The following CDK14 variants were observed in gnomAD, a reference collection of about 807,000 sequenced individuals.
CDK14 encodes the protein cyclin dependent kinase 14.
Under a neutral mutation model 60.7 loss-of-function variants are expected in CDK14, and 34 were observed. The ratio of observed to expected loss-of-function variants is 0.56; its 90% CI spans 0.43 to 0.75. CDK14 has a LOEUF of 0.75. Ranked by LOEUF, CDK14 falls within the 30% of genes least tolerant of loss-of-function variation. The pLI is 0.00. For missense variants in CDK14, 482 were observed against 564.1 expected, an observed-to-expected ratio of 0.85 and a Z score of 1.47; for synonymous variants, 197 against 203.7, an observed-to-expected ratio of 0.97 and a Z score of 0.28.
At chr7:90,861,773 A>C (rs1791018121) in intron 5 of CDK14, among the ~76,000 whole-genome samples, 1 of 152,232 alleles carries the variant, frequency 6.6e-6, no homozygotes, top group Non-Finnish European at 1.5e-5. Context: ...CAAAGGTGAC[A>C]GAAAAAAAGA....
At chr7:91,003,043 G>A (rs952635631) in intron 10 of CDK14, among the ~76,000 whole-genome samples, 1 of 152,182 alleles carries the variant, frequency 6.6e-6, no homozygotes. Context: ...CTGCACTCCA[G>A]CCTGGCGACA....
At chr7:90,863,849 G>T (rs1791090935) in intron 6 of CDK14, among the ~76,000 whole-genome samples, 1 of 151,994 alleles carries the variant, frequency 6.6e-6, no homozygotes, top group African/African-American at 2.4e-5. Context: ...AGAAGACTTG[G>T]ACTTGAACTC....
intron 5 of CDK14, among the ~76,000 whole-genome samples, chr7:90,815,785 G>A (rs1454489062): frequency 1.3e-5 from 2 of 152,178 alleles, no homozygotes; most frequent in Non-Finnish European, 2.9e-5. Flanking sequence ...GATGAAGCTG[G>A]AAGCCATCAT....
chr7:91,180,399 A>G (rs1014599178), intron 14 of CDK14, among the ~76,000 whole-genome samples: 16 of 152,220 alleles, frequency 1.1e-4, no homozygotes, highest in African/African-American at 3.9e-4. Context: ...CTCTATGCCT[A>G]TCATTAACTC....
chr7:90,691,203 C>T (rs1156762798), intron 2 of CDK14, among the ~76,000 whole-genome samples: 1 of 151,930 alleles, frequency 6.6e-6, no homozygotes, highest in Non-Finnish European at 1.5e-5. Context: ...GAGGGTACAA[C>T]TGTGGACAAA....
At chr7:91,161,261 A>T (rs1054183631) in intron 14 of CDK14, among the ~76,000 whole-genome samples, 65 of 152,216 alleles carry the variant, frequency 4.3e-4, no homozygotes, top group African/African-American at 1.5e-3. Flanking sequence ...CCCAAGGCGC[A>T]GAATCAGTGG....
intron 9 of CDK14, among the ~76,000 whole-genome samples, chr7:90,962,944 A>G (rs1794643674): frequency 6.6e-6 from 1 of 152,174 alleles, no homozygotes; most frequent in Non-Finnish European, 1.5e-5. Context: ...AGCTAAATAT[A>G]CTGCATTTCT....
At chr7:90,853,379 T>A (rs1423148942) in intron 5 of CDK14, among the ~76,000 whole-genome samples, 1 of 152,054 alleles carries the variant, frequency 6.6e-6, no homozygotes, top group East Asian at 1.9e-4. Flanking sequence ...CTCAGTAGCT[T>A]TGTGTGTGAG....
At chr7:90,839,588 T>C (rs1031317904) in intron 5 of CDK14, among the ~76,000 whole-genome samples, 1 of 152,168 alleles carries the variant, frequency 6.6e-6, no homozygotes, top group African/African-American at 2.4e-5. Flanking sequence ...AATGGCAAAT[T>C]TGTGCCTCAG....
intron 2 of CDK14, among the ~76,000 whole-genome samples, chr7:90,619,804 T>A (rs1799730357): frequency 6.6e-6 from 1 of 152,194 alleles, no homozygotes; most frequent in South Asian, 2.1e-4. Flanking sequence ...GAAATCAGCC[T>A]GGCCAACATG....
intron 4 of CDK14, among the ~76,000 whole-genome samples, chr7:90,780,491 T>C (rs1349713904): frequency 1.3e-5 from 2 of 151,120 alleles, no homozygotes; most frequent in African/African-American, 4.9e-5. Context: ...TAGTTACATA[T>C]GTATACATGT....
At chr7:91,041,300 A>G (rs568603702) in intron 10 of CDK14, among the ~76,000 whole-genome samples, 2 of 151,576 alleles carry the variant, frequency 1.3e-5, no homozygotes, top group South Asian at 2.1e-4. Flanking sequence ...GGCATTTGCT[A>G]TTTGTTACCA....
intron 2 of CDK14, among the ~76,000 whole-genome samples, chr7:90,669,813 C>A (rs1030447170): frequency 1.3e-5 from 2 of 151,986 alleles, no homozygotes; most frequent in South Asian, 2.1e-4. Context: ...GACTTGACAA[C>A]CTAAAAGTGA....
intron 1 of CDK14, among the ~76,000 whole-genome samples, chr7:90,603,474 T>C (rs891609822): frequency 2.6e-5 from 4 of 152,222 alleles, no homozygotes; most frequent in African/African-American, 4.8e-5. Flanking sequence ...AGTAATAGGC[T>C]ATACCATATA....
At chr7:90,731,348 A>G (rs139710847) in intron 3 of CDK14, among the ~76,000 whole-genome samples, 1 of 150,550 alleles carries the variant, frequency 6.6e-6, no homozygotes, top group African/African-American at 2.4e-5. Flanking sequence ...TCCATATGAA[A>G]TTTAAAGTAG....
rs34091498 is a variant in CDK14, at chr7:91,035,833, CTTTTTTTTT to C, written c.1042-10051_1042-10043del. 3.0e-5 allele frequency among the ~76,000 whole-genome samples: 3 copies of C among 99,232 alleles called. No individual in the cohort carries two copies. In the South Asian group the frequency reaches 1.2e-3, roughly 39 times the overall value. 65.1% of individuals were successfully genotyped at this position (99,232 alleles called of 152,430 possible). ...TTAGCTAGGCCCTCTGCTTCATGGTCTTTTTTTTTTTTTTTTTTTTTGAGACGGAGTCTC... is the reference window on the plus strand; with the variant it reads ...TTAGCTAGGCCCTCTGCTTCATGGTCTTTTTTTTTTTTGAGACGGAGTCTC... On this transcript the variant is annotated intron_variant, in intron 10 of 14. Transcript: ENST00000380050.
chr7:91,116,399 G>T (rs1296789161), intron 13 of CDK14, among the ~76,000 whole-genome samples: 1 of 152,196 alleles, frequency 6.6e-6, no homozygotes, highest in African/African-American at 2.4e-5. Context: ...CTTTGGACAA[G>T]TGCCTTGGTC....
chr7:90,727,271 T>TAC (rs1010587329), intron 3 of CDK14, among the ~76,000 whole-genome samples: 1 of 152,174 alleles, frequency 6.6e-6, no homozygotes, highest in African/African-American at 2.4e-5. Flanking sequence ...CATGTGACTC[T>TAC]GTAAAGTGAC....
intron 5 of CDK14, among the ~76,000 whole-genome samples, chr7:90,857,851 G>A (rs1052170286): frequency 6.6e-6 from 1 of 152,148 alleles, no homozygotes; most frequent in Admixed American, 6.5e-5. Flanking sequence ...GCCTTTGGCA[G>A]CCTCAAAGTT....
Sources: allele counts gnomAD v4.1 joint callset (sites outside exome capture counted in the v4.1 genomes callset), GRCh38; gene constraint gnomAD v4.1.1; transcripts MANE v1.5; gene names NCBI Gene and HGNC (gene_info 2026-07-23, HGNC 2026-07-21).